Variants in ZCCHC17 observed in about 807,000 individuals in gnomAD.
ZCCHC17 encodes zinc finger CCHC domain-containing protein 17.
ZCCHC17 carries 18 observed loss-of-function variants against 30.6 expected under a neutral mutation model. The observed-to-expected ratio is 0.59, with a 90% CI of 0.41 to 0.87. ZCCHC17 has a LOEUF of 0.87. ZCCHC17 is among the 40% of genes least tolerant of loss of function. The pLI is 0.00. For missense variants in ZCCHC17, 263 were observed against 284.2 expected (o/e 0.93, Z 0.54); for synonymous variants, 88 against 92.4 (o/e 0.95, Z 0.27).
intron 1 of ZCCHC17, among the ~76,000 whole-genome samples, chr1:31,304,505 A>C (rs1036101492): frequency 1.1e-4 from 17 of 151,708 alleles, no homozygotes; most frequent in African/African-American, 4.1e-4. Flanking sequence ...GCTATTCTCG[A>C]ACTCCTGGGC....
chr1:31,311,438 G>A (rs1013651888), intron 2 of ZCCHC17, among the ~76,000 whole-genome samples: 2 of 152,172 alleles, frequency 1.3e-5, no homozygotes, highest in African/African-American at 4.8e-5. Context: ...TAGGATTTGT[G>A]CACATGCTGT....
chr1:31,361,100 A>G (rs780309867), intron 7 of ZCCHC17, among the ~76,000 whole-genome samples: 6 of 152,176 alleles, frequency 3.9e-5, no homozygotes, highest in Admixed American at 3.3e-4. Context: ...ATGGACTTCC[A>G]TGGTCTTGCC....
At chr1:31,350,076 A>G (rs1425891161) in intron 7 of ZCCHC17, among the ~76,000 whole-genome samples, 2 of 152,232 alleles carry the variant, frequency 1.3e-5, no homozygotes, top group Non-Finnish European at 2.9e-5. Context: ...AATTCATAAA[A>G]CAGATATTAT....
rs539377123 is a variant in ZCCHC17 at position 31,306,441 on chromosome 1, A to G, written c.-55-3603A>G. Among the ~76,000 whole-genome samples the G allele has an allele frequency of 2.6e-5, 4 of 152,376 alleles. No individual in the cohort carries two copies. In the East Asian group the frequency reaches 7.7e-4, roughly 29 times the overall value. On this transcript the variant is annotated intron_variant, in intron 1 of 7. Coordinates refer to ENST00000344147, the MANE Select transcript of ZCCHC17 (RefSeq NM_016505.4). ...TGTATGCAGCATGGATACGCTGGAC[A>G]AAGGGGATGATTCATATCCCAGATG...
chr1:31,321,481 T>G (rs1646859405), intron 3 of ZCCHC17, among the ~76,000 whole-genome samples: 1 of 152,192 alleles, frequency 6.6e-6, no homozygotes, highest in Non-Finnish European at 1.5e-5. Flanking sequence ...TACAAAATCC[T>G]TTTCTTTTTT....
intron 7 of ZCCHC17, among the ~76,000 whole-genome samples, chr1:31,350,688 C>A (rs536904998): frequency 6.6e-6 from 1 of 151,178 alleles, no homozygotes; most frequent in Non-Finnish European, 1.5e-5. Flanking sequence ...CAGCTTCCGC[C>A]TCCCAGGTTC....
chr1:31,298,039 A>G (rs990761649), intron 1 of ZCCHC17, among the ~76,000 whole-genome samples: 7 of 152,208 alleles, frequency 4.6e-5, no homozygotes, highest in African/African-American at 1.4e-4. Flanking sequence ...GGAGGAGGGG[A>G]CTTGATCCCT....
chr1:31,364,242 T>G lies in ZCCHC17; in HGVS notation c.*49T>G, dbSNP rs12139997. ...GTTGAGAGTAAGAAACCAGGAGCCTTGTGCCTTGAGACTCCTGGAAAGACT... is the reference window on the plus strand; with the variant it reads ...GTTGAGAGTAAGAAACCAGGAGCCTGGTGCCTTGAGACTCCTGGAAAGACT... On this transcript the variant is annotated 3_prime_UTR_variant, in exon 8 of 8. Transcript: ENST00000344147. 16 of 1,570,268 alleles carry G rather than the reference T, an allele frequency of 1.0e-5. No homozygotes were observed. The East Asian group carries it at 3.5e-4, about 34-fold the overall frequency.
chr1:31,346,622 G>C lies in ZCCHC17; in HGVS notation c.318-18G>C, dbSNP rs1295949295. 2 of 1,596,044 alleles carry C rather than the reference G, an allele frequency of 1.3e-6. No homozygotes were observed. Among genetic ancestry groups the C allele is most frequent in the Non-Finnish European group, 8.6e-7 (1 of 1,166,872 alleles). Reference sequence around the variant, plus strand: ...TATCTCTTAAGGGGGCCGGCAGTCGGTATCTTTTTCATTATAGGCAAGAAG... The same window carrying C: ...TATCTCTTAAGGGGGCCGGCAGTCGCTATCTTTTTCATTATAGGCAAGAAG... On this transcript the variant is annotated intron_variant, in intron 5 of 7. Coordinates refer to ENST00000344147, the MANE Select transcript of ZCCHC17 (RefSeq NM_016505.4).
chr1:31,357,613 A>G (rs1639690669), intron 7 of ZCCHC17, among the ~76,000 whole-genome samples: 1 of 152,246 alleles, frequency 6.6e-6, no homozygotes, highest in Non-Finnish European at 1.5e-5. Flanking sequence ...TGGTAAACAA[A>G]TACAAAATAG....
At chr1:31,302,172 G>A (rs1646328779) in intron 1 of ZCCHC17, among the ~76,000 whole-genome samples, 1 of 152,144 alleles carries the variant, frequency 6.6e-6, no homozygotes, top group African/African-American at 2.4e-5. Flanking sequence ...AGGTTGCAGT[G>A]AGTCGAGATC....
At chr1:31,330,795 T>C (rs1254240477) in intron 3 of ZCCHC17, among the ~76,000 whole-genome samples, 2 of 152,190 alleles carry the variant, frequency 1.3e-5, no homozygotes, top group Non-Finnish European at 2.9e-5. Flanking sequence ...GTAGTATATA[T>C]AGTGAGGTAC....
At chr1:31,315,297 AGTT>A (rs1370611763) in intron 2 of ZCCHC17, among the ~76,000 whole-genome samples, 1 of 152,204 alleles carries the variant, frequency 6.6e-6, no homozygotes, top group Non-Finnish European at 1.5e-5. Context: ...TCACAGGACT[AGTT>A]GTCCTTGAAG....
chr1:31,355,473 C>T (rs1458330752), intron 7 of ZCCHC17, among the ~76,000 whole-genome samples: 1 of 152,124 alleles, frequency 6.6e-6, no homozygotes, highest in African/African-American at 2.4e-5. Flanking sequence ...GAATTATTAT[C>T]CCACCATTTT....
chr1:31,313,092 T>C (rs568810200), intron 2 of ZCCHC17, among the ~76,000 whole-genome samples: 91 of 150,106 alleles, frequency 6.1e-4, no homozygotes, highest in African/African-American at 2.2e-3. Flanking sequence ...TTTTTTTCTT[T>C]TTTTTGAGAC....
intron 5 of ZCCHC17, among the ~76,000 whole-genome samples, chr1:31,340,063 C>T (rs949714998): frequency 1.4e-5 from 2 of 141,308 alleles, no homozygotes; most frequent in Admixed American, 7.6e-5. Flanking sequence ...CCCAAGCTAT[C>T]CTCCCACCTC....
At chr1:31,340,682 A>G (rs1031348172) in intron 5 of ZCCHC17, among the ~76,000 whole-genome samples, 1 of 152,176 alleles carries the variant, frequency 6.6e-6, no homozygotes, top group African/African-American at 2.4e-5. Context: ...GTGTGTCCTC[A>G]GGTTAACCAT....
intron 7 of ZCCHC17, among the ~76,000 whole-genome samples, chr1:31,362,692 A>C (rs1639958758): frequency 6.6e-6 from 1 of 152,206 alleles, no homozygotes; most frequent in South Asian, 2.1e-4. Context: ...CCAGGATCTA[A>C]TAGAAACCAG....
intron 7 of ZCCHC17, among the ~76,000 whole-genome samples, chr1:31,350,070 C>A (rs1639416326): frequency 6.6e-6 from 1 of 152,176 alleles, no homozygotes; most frequent in Non-Finnish European, 1.5e-5. Flanking sequence ...CAGAGCAATT[C>A]ATAAAACAGA....
Sources: allele counts gnomAD v4.1 joint callset (sites outside exome capture counted in the v4.1 genomes callset), GRCh38; gene constraint gnomAD v4.1.1; transcripts MANE v1.5; gene names NCBI Gene and HGNC (gene_info 2026-07-23, HGNC 2026-07-21).